DNAI7: variants seen among roughly 807,000 people sequenced by gnomAD.
The protein encoded by DNAI7 is dynein axonemal intermediate chain 7, also known as cancer susceptibility 1.
In DNAI7, 78 loss-of-function variants were observed where a neutral mutation model predicts 86.6. The ratio of observed to expected loss-of-function variants is 0.90; its 90% CI spans 0.75 to 1.09. The LOEUF (loss-of-function observed/expected upper bound fraction) is 1.09. DNAI7 is among the 50% of genes least tolerant of loss of function. The pLI is 0.00. For synonymous variants in DNAI7, 274 were observed against 273.0 expected (o/e 1.00, Z -0.04); for missense variants, 753 against 810.2 (o/e 0.93, Z 0.86).
chr12:25,108,177 T>TGTAAGATAGCTTACA, downstream of DNAI7: 1 of 1,155,410 alleles, frequency 8.7e-7, no homozygotes, highest in South Asian at 1.6e-5. Flanking sequence ...TCAGAATGAC[T>TGTAAGATAGCTTACA]GTAAGATAGC....
intron 2 of DNAI7, among the ~76,000 whole-genome samples, chr12:25,169,847 C>CA (rs1173396136): frequency 0.022 from 1,423 of 66,184 alleles, 21 homozygotes; most frequent in South Asian, 0.068. Context: ...GACTCTGTCT[C>CA]AAAAAAAAAA....
chr12:25,135,700 G>C (rs1943461394), intron 9 of DNAI7, among the ~76,000 whole-genome samples: 1 of 152,086 alleles, frequency 6.6e-6, no homozygotes, highest in Admixed American at 6.6e-5. Flanking sequence ...TGATGGATGT[G>C]TAGGAGCTGG....
intron 2 of DNAI7, among the ~76,000 whole-genome samples, chr12:25,183,977 C>T (rs1269385233): frequency 1.3e-5 from 2 of 152,094 alleles, no homozygotes; most frequent in South Asian, 2.1e-4. Context: ...ATGGCTACTA[C>T]AGAAAGTCAA....
chr12:25,120,776 G>A (rs1341158694), intron 11 of DNAI7, among the ~76,000 whole-genome samples: 2 of 152,070 alleles, frequency 1.3e-5, no homozygotes, highest in South Asian at 2.1e-4. Context: ...AATAGCGCAA[G>A]TGTTACTACT....
chr12:25,163,313 C>T (rs1026966614), intron 2 of DNAI7, among the ~76,000 whole-genome samples: 1 of 151,954 alleles, frequency 6.6e-6, no homozygotes, highest in Non-Finnish European at 1.5e-5. Context: ...CATTCCGCCA[C>T]AAAAAAAGTG....
intron 2 of DNAI7, among the ~76,000 whole-genome samples, chr12:25,173,877 ATACACATCAT>A (rs1306037004): frequency 2.8e-5 from 2 of 70,594 alleles, no homozygotes; most frequent in Non-Finnish European, 5.2e-5. Context: ...TCATATATAT[ATACACATCAT>A]TCATATATAT....
rs771093001 is a variant in DNAI7, at chr12:25,108,662, C to G, written c.2055G>C (p.Met685Ile). ...CTTCCTCAGAAGCAAAATCCTTCAC[C>G]ATGTGATATAAAGTAGAATGAAACT... ...ETEFHSTLYH[M>I]VKDFASEEAM... The change falls in exon 16 of 16, where the codon ATG becomes ATC. Residue 685 changes from methionine to isoleucine, a missense_variant. Coordinates refer to ENST00000395987, the MANE Select transcript of DNAI7 (RefSeq NM_018272.5). The G allele has an allele frequency of 4.3e-6, 7 of 1,613,386 alleles. No homozygotes were observed. The highest frequency in any genetic ancestry group is 3.3e-5 in the South Asian group (3 of 91,062).
rs1190829537 is a variant in DNAI7 at position 25,172,782 on chromosome 12, AC to A, written c.22-11586del. On this transcript the variant is annotated intron_variant, in intron 2 of 15. Coordinates refer to ENST00000395987, the MANE Select transcript of DNAI7 (RefSeq NM_018272.5). ...ATAGATCAATGGAACAGAATAGAGA[AC>A]CCAGAAATAAACCCAAATACTTACA... 2.0e-5 allele frequency among the ~76,000 whole-genome samples: 3 copies of A among 152,156 alleles called. No homozygotes were observed. In the East Asian group the frequency reaches 5.8e-4, roughly 29 times the overall value.
chr12:25,114,939 A>C (rs1346405748), intron 12 of DNAI7, 69 bp from the exon 13 acceptor site: 2 of 1,239,860 alleles, frequency 1.6e-6, no homozygotes, highest in Admixed American at 2.3e-5. Flanking sequence ...AAATGAAAGC[A>C]CCAAAAAAAT....
chr12:25,111,944 T>A lies in DNAI7; in HGVS notation c.1612-5A>T. The stretch of plus-strand genomic sequence containing the variant: ...AGATAACATGCAGAGGTTTTCCTAG[T>A]TTAAATAAGAAAAAAGAAGCTTTTA... On this transcript the variant is annotated splice_polypyrimidine_tract_variant and splice_region_variant and intron_variant, in intron 13 of 15. Coordinates refer to ENST00000395987, the MANE Select transcript of DNAI7 (RefSeq NM_018272.5). 6.4e-7 allele frequency: 1 copy of A among 1,559,608 alleles called. No individual in the cohort carries two copies. Among genetic ancestry groups the A allele is most frequent in the Non-Finnish European group, 8.7e-7 (1 of 1,156,054 alleles).
intron 9 of DNAI7, among the ~76,000 whole-genome samples, chr12:25,130,149 T>C (rs530113733): frequency 5.4e-4 from 83 of 152,298 alleles, no homozygotes; most frequent in Non-Finnish European, 9.8e-4. Flanking sequence ...ATCCACAAGA[T>C]TGTTAGCTCA....
intron 3 of DNAI7, among the ~76,000 whole-genome samples, chr12:25,159,465 C>G (rs1234544532): frequency 6.6e-6 from 1 of 151,130 alleles, no homozygotes; most frequent in African/African-American, 2.4e-5. Flanking sequence ...TAACATGATT[C>G]AAACTTTGTG....
At chr12:25,107,618 A>ATCATT (rs1238394177), downstream of DNAI7, among the ~76,000 whole-genome samples, 3 of 149,520 alleles carry the variant, frequency 2.0e-5, no homozygotes, top group Non-Finnish European at 4.5e-5. Context: ...ATCGTAGCAC[A>ATCATT]TCATTTCTTT....
chr12:25,158,033 T>G (rs998708431), intron 4 of DNAI7, among the ~76,000 whole-genome samples: 1 of 152,016 alleles, frequency 6.6e-6, no homozygotes, highest in South Asian at 2.1e-4. Flanking sequence ...ATGGAGACCA[T>G]CCTGGCTAAC....
intron 3 of DNAI7, among the ~76,000 whole-genome samples, chr12:25,159,666 T>A (rs1254351743): frequency 1.3e-5 from 2 of 152,132 alleles, no homozygotes; most frequent in Non-Finnish European, 2.9e-5. Context: ...ACCTTAATCT[T>A]CTCCTGCTCT....
At chr12:25,133,653 A>C (rs756711370) in intron 9 of DNAI7, among the ~76,000 whole-genome samples, 20 of 152,260 alleles carry the variant, frequency 1.3e-4, no homozygotes, top group Non-Finnish European at 1.9e-4. Context: ...TCATATTAGC[A>C]TTTTCAGAAT....
chr12:25,138,925 T>A (rs1044289903), intron 9 of DNAI7, among the ~76,000 whole-genome samples: 1 of 151,176 alleles, frequency 6.6e-6, no homozygotes, highest in South Asian at 2.1e-4. Context: ...AAATCTGGTT[T>A]TTTGAAAAGA....
chr12:25,135,163 A>AG (rs1043509923), intron 9 of DNAI7, among the ~76,000 whole-genome samples: 4 of 152,188 alleles, frequency 2.6e-5, no homozygotes, highest in African/African-American at 7.2e-5. Flanking sequence ...CCAAAGTGTG[A>AG]GGGGGGATAA....
chr12:25,176,203 C>T (rs780801398), intron 2 of DNAI7, among the ~76,000 whole-genome samples: 24 of 152,054 alleles, frequency 1.6e-4, no homozygotes, highest in Admixed American at 1.2e-3. Context: ...CATATTTCCA[C>T]GCCACTTCCC....
Sources: allele counts gnomAD v4.1 joint callset (sites outside exome capture counted in the v4.1 genomes callset), GRCh38; gene constraint gnomAD v4.1.1; transcripts MANE v1.5; gene names NCBI Gene and HGNC (gene_info 2026-07-23, HGNC 2026-07-21).